The following CALN1 variants were observed in gnomAD, a reference collection of about 807,000 sequenced individuals.
CALN1 encodes calcium-binding protein 8.
In CALN1, 17 loss-of-function variants were observed where a neutral mutation model predicts 30.6. The ratio of observed to expected loss-of-function variants is 0.56; its 90% confidence interval spans 0.38 to 0.83. CALN1 has a LOEUF of 0.83. Ranked by LOEUF, CALN1 falls within the 40% of genes least tolerant of loss-of-function variation. CALN1 has a pLI of 0.00. For synonymous variants in CALN1, 156 were observed against 131.4 expected (o/e 1.19, Z -1.28); for missense variants, 291 against 354.9 (o/e 0.82, Z 1.45).
chr7:72,036,557 A>G (rs958462485), intron 4 of CALN1, among the ~76,000 whole-genome samples: 6 of 151,840 alleles, frequency 4.0e-5, no homozygotes, highest in African/African-American at 1.5e-4. Flanking sequence ...AGTCTTGGTA[A>G]TTTCCTTTGT....
chr7:72,195,542 ATTTT>A (rs199574895), intron 3 of CALN1, among the ~76,000 whole-genome samples: 3 of 152,128 alleles, frequency 2.0e-5, no homozygotes, highest in African/African-American at 7.2e-5. Context: ...TTCCTGGCTA[ATTTT>A]TAAAAAAATT....
intron 5 of CALN1, among the ~76,000 whole-genome samples, chr7:71,911,926 T>C (rs1433555990): frequency 2.6e-5 from 4 of 152,100 alleles, no homozygotes; most frequent in African/African-American, 7.2e-5. Flanking sequence ...TTCATACACA[T>C]GAAGGGGCTT....
chr7:72,431,413 C>T (rs1562966192), intron 1 of CALN1, among the ~76,000 whole-genome samples: 1 of 152,192 alleles, frequency 6.6e-6, no homozygotes, highest in Non-Finnish European at 1.5e-5. Context: ...CACACGCACA[C>T]ATGTGTACAC....
chr7:72,321,555 C>T (rs566702840), intron 2 of CALN1, among the ~76,000 whole-genome samples: 2 of 152,278 alleles, frequency 1.3e-5, no homozygotes, highest in South Asian at 4.1e-4. Context: ...CCTACATCAG[C>T]GTCCCACCTG....
intron 5 of CALN1, among the ~76,000 whole-genome samples, chr7:71,937,320 C>T (rs1442840838): frequency 6.6e-6 from 1 of 151,006 alleles, no homozygotes; most frequent in Non-Finnish European, 1.5e-5. Context: ...CAAAACAAAA[C>T]AACACCAAAA....
intron 5 of CALN1, among the ~76,000 whole-genome samples, chr7:71,858,914 C>T (rs1339659066): frequency 6.6e-6 from 1 of 152,138 alleles, no homozygotes; most frequent in East Asian, 1.9e-4. Context: ...ACGGGCACGT[C>T]CTTAACCTTG....
chr7:72,482,038 G>C, the CALN1 span, among the ~76,000 whole-genome samples: 2 of 152,062 alleles, frequency 1.3e-5, no homozygotes, highest in Non-Finnish European at 2.9e-5. Flanking sequence ...AATTATATCA[G>C]TTTCTGCCTT....
chr7:72,013,602 A>G (rs1433944192), intron 5 of CALN1, among the ~76,000 whole-genome samples: 1 of 152,184 alleles, frequency 6.6e-6, no homozygotes, highest in East Asian at 1.9e-4. Flanking sequence ...TAGACCGTAT[A>G]GCCTAATACA....
intron 3 of CALN1, among the ~76,000 whole-genome samples, chr7:72,247,449 T>C (rs199825167): frequency 1.3e-5 from 2 of 151,522 alleles, no homozygotes; most frequent in East Asian, 2.0e-4. Flanking sequence ...GGTTTCACCA[T>C]GTTAGCCAGG....
intron 2 of CALN1, among the ~76,000 whole-genome samples, chr7:72,327,901 T>A (rs1801389879): frequency 6.6e-6 from 1 of 152,208 alleles, no homozygotes; most frequent in Non-Finnish European, 1.5e-5. Context: ...TTTCAACCTC[T>A]ATGAGAAGAA....
At chr7:72,370,658 A>C (rs1229236845) in intron 2 of CALN1, among the ~76,000 whole-genome samples, 3 of 146,792 alleles carry the variant, frequency 2.0e-5, no homozygotes, top group African/African-American at 5.1e-5. Flanking sequence ...CTCCGTCTCA[A>C]AAAAAAAAAA....
At position 71,817,990 on chromosome 7, in the gene CALN1, C is replaced by T. The variant is rs73360086; in HGVS notation, c.502-7498G>A. Among the ~76,000 whole-genome samples, 138 of 151,942 alleles carry T rather than the reference C, an allele frequency of 9.1e-4. 1 individual carries two copies. The highest frequency in any genetic ancestry group is 3.3e-3 in the African/African-American group (138 of 41,444). On this transcript the variant is annotated intron_variant, in intron 5 of 6. Transcript: ENST00000395275. Reference sequence around the variant, plus strand: ...TAGTTCAAATATTTGTTAAATGAGGCTATTCTGTAGTGCAAAAAGATTTAT... The same window carrying T: ...TAGTTCAAATATTTGTTAAATGAGGTTATTCTGTAGTGCAAAAAGATTTAT...
the CALN1 span, among the ~76,000 whole-genome samples, chr7:72,484,065 C>T: frequency 6.6e-6 from 1 of 152,122 alleles, no homozygotes; most frequent in Non-Finnish European, 1.5e-5. Flanking sequence ...AATACAATTA[C>T]AATACTTGTT....
chr7:72,165,204 A>C (rs1008893415), intron 3 of CALN1, among the ~76,000 whole-genome samples: 4 of 152,162 alleles, frequency 2.6e-5, no homozygotes, highest in African/African-American at 9.7e-5. Flanking sequence ...CCCAGAACCT[A>C]CCGTTTCAAA....
intron 3 of CALN1, among the ~76,000 whole-genome samples, chr7:72,164,438 C>G (rs1230830972): frequency 6.6e-6 from 1 of 151,550 alleles, no homozygotes; most frequent in African/African-American, 2.4e-5. Context: ...TGGAATTATA[C>G]TCTTATATGC....
At chr7:71,817,607 C>G (rs544236416) in intron 5 of CALN1, among the ~76,000 whole-genome samples, 28 of 152,284 alleles carry the variant, frequency 1.8e-4, no homozygotes, top group African/African-American at 6.7e-4. Flanking sequence ...TCTCTGCCTC[C>G]CAGGTTCAAG....
intron 4 of CALN1, among the ~76,000 whole-genome samples, chr7:72,105,177 C>T (rs1221712737): frequency 1.3e-5 from 2 of 152,150 alleles, no homozygotes; most frequent in Non-Finnish European, 2.9e-5. Context: ...TGGGGCTACA[C>T]CCCGGCACTG....
At chr7:72,252,957 C>T (rs1795666808) in intron 3 of CALN1, among the ~76,000 whole-genome samples, 1 of 152,224 alleles carries the variant, frequency 6.6e-6, no homozygotes, top group African/African-American at 2.4e-5. Context: ...ATTATGCCTT[C>T]GGTATTTAAA....
At chr7:72,281,177 C>T (rs1797713996) in intron 2 of CALN1, among the ~76,000 whole-genome samples, 1 of 152,010 alleles carries the variant, frequency 6.6e-6, no homozygotes, top group Admixed American at 6.6e-5. Context: ...CCCTTCTCTG[C>T]CTCTTTCATT....
Sources: gnomAD v4.1 joint callset for allele counts (sites outside exome capture counted in the v4.1 genomes callset) on GRCh38, gnomAD v4.1.1 for gene constraint, MANE v1.5 for transcripts, NCBI Gene and HGNC (gene_info 2026-07-23, HGNC 2026-07-21) for gene names.